The following LY96 variants were observed in gnomAD, a reference collection of about 807,000 sequenced individuals.
LY96 encodes the protein lymphocyte antigen 96.
A neutral mutation model predicts 18.9 loss-of-function variants in LY96; 18 were observed. That is an observed-to-expected ratio of 0.95 (90% CI 0.66 to 1.41). The LOEUF is 1.41. LY96 is among the 40% of genes most tolerant of loss of function. LY96 has a pLI of 0.00. For synonymous variants in LY96, 66 were observed against 62.6 expected, an observed-to-expected ratio of 1.06 and a Z score of -0.26; for missense variants, 175 against 182.4, an observed-to-expected ratio of 0.96 and a Z score of 0.23.
At chr8:74,086,591 T>G in the LY96 span, among the ~76,000 whole-genome samples, 10 of 152,242 alleles carry the variant, frequency 6.6e-5, no homozygotes, top group Non-Finnish European at 1.5e-4. Context: ...ATTCTGGTTA[T>G]GTATTAGGAT....
At chr8:74,067,218 T>C in the LY96 span, among the ~76,000 whole-genome samples, 2 of 152,150 alleles carry the variant, frequency 1.3e-5, no homozygotes, top group Non-Finnish European at 2.9e-5. Flanking sequence ...TTACTGTATG[T>C]GTATATGTAT....
At chr8:74,031,540 G>A (rs1816969062), downstream of LY96, among the ~76,000 whole-genome samples, 1 of 151,580 alleles carries the variant, frequency 6.6e-6, no homozygotes, top group Non-Finnish European at 1.5e-5. Flanking sequence ...GCTGAGGCAA[G>A]AGAATTGCTT....
At chr8:74,098,100 G>A in the LY96 span, among the ~76,000 whole-genome samples, 1 of 152,152 alleles carries the variant, frequency 6.6e-6, no homozygotes, top group Non-Finnish European at 1.5e-5. Context: ...CAATTACTGT[G>A]TACCTCTGGG....
chr8:74,050,941 T>C, the LY96 span, among the ~76,000 whole-genome samples: 1 of 152,180 alleles, frequency 6.6e-6, no homozygotes, highest in African/African-American at 2.4e-5. Context: ...GAGAATCGCT[T>C]GAACCCAGGA....
At chr8:74,022,332 T>A (rs1245862023) in intron 3 of LY96, among the ~76,000 whole-genome samples, 2 of 151,538 alleles carry the variant, frequency 1.3e-5, no homozygotes, top group East Asian at 3.9e-4. Flanking sequence ...ATCACTTGAA[T>A]GAAGGCAGAG....
intron 1 of LY96, among the ~76,000 whole-genome samples, chr8:73,995,578 G>A (rs7822407): frequency 0.18 from 26,945 of 152,086 alleles, 2,718 homozygotes; most frequent in Middle Eastern, 0.3. Flanking sequence ...CATTTCTGTC[G>A]GTCCATAACA....
the LY96 span, among the ~76,000 whole-genome samples, chr8:74,079,190 C>T: frequency 1.3e-5 from 2 of 152,204 alleles, no homozygotes; most frequent in African/African-American, 4.8e-5. Context: ...GGACATCTAT[C>T]TTCTGCCCTT....
chr8:74,005,527 T>C (rs1014476360), intron 2 of LY96, among the ~76,000 whole-genome samples: 1 of 152,208 alleles, frequency 6.6e-6, no homozygotes, highest in Admixed American at 6.5e-5. Flanking sequence ...ATAAGTAATA[T>C]TGGGTTTCCA....
the LY96 span, among the ~76,000 whole-genome samples, chr8:74,044,402 G>C: frequency 6.6e-6 from 1 of 152,060 alleles, no homozygotes; most frequent in Non-Finnish European, 1.5e-5. Flanking sequence ...AGTTTCCCAG[G>C]CTGGTCTCAA....
the LY96 span, among the ~76,000 whole-genome samples, chr8:74,088,058 G>A: frequency 4.2e-5 from 6 of 143,986 alleles, no homozygotes; most frequent in African/African-American, 1.3e-4. Context: ...CATTGTACCC[G>A]TACTGTTTAG....
chr8:74,030,435 C>T (rs983605043), downstream of LY96, among the ~76,000 whole-genome samples: 1 of 152,212 alleles, frequency 6.6e-6, no homozygotes, highest in Non-Finnish European at 1.5e-5. Context: ...ATCGCTTGAA[C>T]CCGGGAGGTG....
At chr8:74,077,989 C>T in the LY96 span, among the ~76,000 whole-genome samples, 1 of 151,728 alleles carries the variant, frequency 6.6e-6, no homozygotes, top group Non-Finnish European at 1.5e-5. Flanking sequence ...ATGCCTGTAG[C>T]CTCAGCTACT....
At chr8:74,072,868 C>CA in the LY96 span, among the ~76,000 whole-genome samples, 3 of 152,100 alleles carry the variant, frequency 2.0e-5, no homozygotes, top group Non-Finnish European at 4.4e-5. Context: ...GGTGAGCATG[C>CA]GGGTGCCTCA....
intron 1 of LY96, among the ~76,000 whole-genome samples, chr8:74,001,286 T>C (rs1046590199): frequency 1.1e-4 from 16 of 151,180 alleles, no homozygotes; most frequent in Non-Finnish European, 2.2e-4. Flanking sequence ...TGCAGAGGTG[T>C]GATCTCAGCT....
At chr8:74,081,816 G>A in the LY96 span, among the ~76,000 whole-genome samples, 331 of 152,180 alleles carry the variant, frequency 2.2e-3, 1 homozygote, top group Non-Finnish European at 4.1e-3. Context: ...ACCATCCCCA[G>A]CTAATTTTTG....
At chr8:74,079,327 A>G in the LY96 span, among the ~76,000 whole-genome samples, 2 of 152,192 alleles carry the variant, frequency 1.3e-5, no homozygotes, top group Non-Finnish European at 2.9e-5. Flanking sequence ...TCATGGACCA[A>G]AATTTCATAA....
At chr8:74,039,921 C>T in the LY96 span, among the ~76,000 whole-genome samples, 1 of 152,252 alleles carries the variant, frequency 6.6e-6, no homozygotes, top group African/African-American at 2.4e-5. Context: ...CCACAAGAAG[C>T]TGGTGGAGCA....
At chr8:74,053,456 T>C in the LY96 span, among the ~76,000 whole-genome samples, 1 of 152,224 alleles carries the variant, frequency 6.6e-6, no homozygotes, top group Admixed American at 6.5e-5. Flanking sequence ...AAAATCAGTG[T>C]GATCTAGCAT....
chr8:74,060,172 G>A, the LY96 span, among the ~76,000 whole-genome samples: 5 of 152,202 alleles, frequency 3.3e-5, no homozygotes, highest in East Asian at 7.7e-4. Flanking sequence ...CGACGACGAC[G>A]ACGACGACAA....
Sources: allele counts gnomAD v4.1 joint callset (sites outside exome capture counted in the v4.1 genomes callset), GRCh38; gene constraint gnomAD v4.1.1; transcripts MANE v1.5; gene names NCBI Gene and HGNC (gene_info 2026-07-23, HGNC 2026-07-21).